Variants in CHRNA7 observed in about 807,000 individuals in gnomAD.
The protein encoded by CHRNA7 is neuronal acetylcholine receptor subunit alpha-7.
CHRNA7 carries 17 observed loss-of-function variants against 48.0 expected under a neutral mutation model. The ratio of observed to expected loss-of-function variants is 0.35; its 90% confidence interval spans 0.24 to 0.53. The LOEUF (loss-of-function observed/expected upper bound fraction) is 0.53. Ranked by LOEUF, CHRNA7 falls within the 20% of genes least tolerant of loss-of-function variation. The pLI is 0.92. For synonymous variants in CHRNA7, 75 were observed against 242.3 expected (o/e 0.31, Z 6.41); for missense variants, 155 against 577.7 (o/e 0.27, Z 7.50).
chr15:32,168,152 CG>C lies in CHRNA7; in HGVS notation c.1204del (p.Asp402ThrfsTer4), dbSNP rs756596780. ...ACGGCGTGCACTGTGTCCCGACCCC[CG>C]ACTCTGGGGTAGTGTGTGGCCGCAT... is the stretch of plus-strand genomic sequence containing the variant. Reference protein sequence around the residue: ...LDGVHCVPTPDSGVVCGRMAC... With the variant: ...LDGVHCVPTPXSGVVCGRMAC... On this transcript the variant is annotated frameshift_variant, in exon 10 of 10. Coordinates refer to ENST00000306901, the MANE Select transcript of CHRNA7 (RefSeq NM_000746.6). LOFTEE classifies it high-confidence loss of function. The C allele has an allele frequency of 2.5e-6, 4 of 1,590,454 alleles. No individual in the cohort carries two copies. In the Admixed American group the frequency reaches 6.9e-5, roughly 27 times the overall value.
At chr15:32,135,021 A>G (rs965237643) in intron 4 of CHRNA7, among the ~76,000 whole-genome samples, 1 of 152,238 alleles carries the variant, frequency 6.6e-6, no homozygotes, top group East Asian at 1.9e-4. Flanking sequence ...CTTTACATAT[A>G]TTAACAACCT....
At chr15:32,049,155 A>C (rs978155629) in intron 2 of CHRNA7, among the ~76,000 whole-genome samples, 1 of 151,850 alleles carries the variant, frequency 6.6e-6, no homozygotes, top group Non-Finnish European at 1.5e-5. Flanking sequence ...GTAGATGTCT[A>C]TTAGGTCTGC....
chr15:32,046,231 G>C (rs907169003), intron 2 of CHRNA7, among the ~76,000 whole-genome samples: 2 of 150,794 alleles, frequency 1.3e-5, no homozygotes, highest in Non-Finnish European at 3.0e-5. Context: ...CTAGATCCCT[G>C]AGGAATCGCC....
intron 2 of CHRNA7, among the ~76,000 whole-genome samples, chr15:32,091,132 T>C (rs1385460361): frequency 6.6e-6 from 1 of 152,234 alleles, no homozygotes; most frequent in Non-Finnish European, 1.5e-5. Context: ...TCTTTTACTA[T>C]GTTTTTGATT....
intron 4 of CHRNA7, among the ~76,000 whole-genome samples, chr15:32,152,314 G>A (rs998077454): frequency 1.3e-5 from 2 of 152,126 alleles, no homozygotes; most frequent in Admixed American, 6.6e-5. Flanking sequence ...GTGGTGGCAC[G>A]CACCTGTAAT....
At chr15:32,116,394 G>A (rs2050872472) in intron 4 of CHRNA7, among the ~76,000 whole-genome samples, 1 of 152,190 alleles carries the variant, frequency 6.6e-6, no homozygotes, top group Non-Finnish European at 1.5e-5. Context: ...TTGATGGGTG[G>A]GTAACAAGTC....
intron 2 of CHRNA7, among the ~76,000 whole-genome samples, chr15:32,058,887 T>C (rs991574949): frequency 1.3e-5 from 2 of 152,190 alleles, no homozygotes; most frequent in Non-Finnish European, 2.9e-5. Context: ...ACTTTAACAT[T>C]TTTAAAGCAC....
intron 2 of CHRNA7, among the ~76,000 whole-genome samples, chr15:32,060,537 A>C (rs2049862730): frequency 6.6e-6 from 1 of 152,242 alleles, no homozygotes; most frequent in Admixed American, 6.5e-5. Flanking sequence ...AATCCAATAA[A>C]ACTAAGAAAT....
intron 2 of CHRNA7, among the ~76,000 whole-genome samples, chr15:32,093,943 G>A (rs1449181509): frequency 6.6e-6 from 1 of 152,122 alleles, no homozygotes; most frequent in Non-Finnish European, 1.5e-5. Flanking sequence ...CACTCTGCTG[G>A]GGGAGTTCTA....
intron 2 of CHRNA7, among the ~76,000 whole-genome samples, chr15:32,062,761 A>G (rs900232556): frequency 6.6e-6 from 1 of 152,124 alleles, no homozygotes; most frequent in South Asian, 2.1e-4. Context: ...CAACTTCCTC[A>G]CATTTGTTAA....
chr15:32,134,604 C>A (rs2051214741), intron 4 of CHRNA7, among the ~76,000 whole-genome samples: 2 of 152,154 alleles, frequency 1.3e-5, no homozygotes, highest in African/African-American at 4.8e-5. Flanking sequence ...AAATGAACTT[C>A]AAATTAAAAC....
intron 4 of CHRNA7, among the ~76,000 whole-genome samples, chr15:32,142,430 C>T (rs908811240): frequency 6.6e-5 from 10 of 152,182 alleles, no homozygotes; most frequent in African/African-American, 2.4e-4. Context: ...TGATGCTGGC[C>T]TAATAAAATG....
At chr15:32,139,294 A>C (rs1390595597) in intron 4 of CHRNA7, among the ~76,000 whole-genome samples, 1 of 152,236 alleles carries the variant, frequency 6.6e-6, no homozygotes, top group Non-Finnish European at 1.5e-5. Flanking sequence ...TCCAAGTTTT[A>C]GCAATTATGA....
intron 1 of CHRNA7, 34 bp downstream of exon 1, chr15:32,030,683 C>G (rs745632981): frequency 6.4e-7 from 1 of 1,557,486 alleles, no homozygotes. Context: ...TCCACTCCTC[C>G]GTGGGATCCC....
intron 9 of CHRNA7, among the ~76,000 whole-genome samples, chr15:32,164,912 CTAAAAAAAAAA>C (rs1188846466): frequency 6.3e-4 from 5 of 7,928 alleles, no homozygotes; most frequent in African/African-American, 1.5e-3. Context: ...ACTCCATCTC[CTAAAAAAAAAA>C]AAAAAAAAAA....
chr15:32,052,983 A>C (rs1487997144), intron 2 of CHRNA7, among the ~76,000 whole-genome samples: 2 of 152,162 alleles, frequency 1.3e-5, no homozygotes, highest in African/African-American at 4.8e-5. Flanking sequence ...TATCACATGT[A>C]CCTCCAAAAT....
intron 2 of CHRNA7, chr15:32,099,661 A>T (rs541568478): frequency 1.3e-5 from 2 of 152,358 alleles, no homozygotes; most frequent in East Asian, 3.9e-4. Context: ...TCCATTAAAA[A>T]CAACAACTCC....
intron 2 of CHRNA7, among the ~76,000 whole-genome samples, chr15:32,054,671 A>G (rs8037484): frequency 0.6 from 91,961 of 152,078 alleles, 31,803 homozygotes; most frequent in Non-Finnish European, 0.77. Flanking sequence ...AGCACACAGC[A>G]TGCGTTCTTT....
At chr15:32,145,745 C>T (rs2051473979) in intron 4 of CHRNA7, among the ~76,000 whole-genome samples, 1 of 152,216 alleles carries the variant, frequency 6.6e-6, no homozygotes, top group Non-Finnish European at 1.5e-5. Flanking sequence ...AGGAGGGAAT[C>T]TCCTGGTCTG....
Sources: allele counts gnomAD v4.1 joint callset (sites outside exome capture counted in the v4.1 genomes callset), GRCh38; gene constraint gnomAD v4.1.1; transcripts MANE v1.5; gene names NCBI Gene and HGNC (gene_info 2026-07-23, HGNC 2026-07-21).